Variants in HTR1E observed in about 807,000 individuals in gnomAD.
HTR1E encodes the protein 5-HT-1E.
Under a neutral mutation model 3.4 loss-of-function variants are expected in HTR1E, and 3 were observed. That is an observed-to-expected ratio of 0.89 (90% CI 0.41 to 2.31). The LOEUF (loss-of-function observed/expected upper bound fraction) is 2.31, where lower values mean the gene tolerates loss of function less well. Among genes scored for constraint, HTR1E ranks in the 30% most tolerant of loss-of-function variants. The probability of loss-of-function intolerance (pLI) is 0.05; values close to 1 mark genes in which losing one functional copy is unlikely to be tolerated. For missense variants in HTR1E, 392 were observed against 467.0 expected (o/e 0.84, Z 1.48); for synonymous variants, 170 against 182.8 (o/e 0.93, Z 0.56).
chr6:86,962,457 T>C (rs761372982), intron 1 of HTR1E, among the ~76,000 whole-genome samples: 1 of 152,210 alleles, frequency 6.6e-6, no homozygotes, highest in Non-Finnish European at 1.5e-5. Context: ...TCCTATTACC[T>C]AGTGCCATCC....
At chr6:86,947,728 T>C (rs1450565629) in intron 1 of HTR1E, among the ~76,000 whole-genome samples, 1 of 152,216 alleles carries the variant, frequency 6.6e-6, no homozygotes, top group Non-Finnish European at 1.5e-5. Flanking sequence ...GATATTTCCA[T>C]TTATTGATTC....
At chr6:86,941,864 AGAAAG>A (rs901237397) in intron 1 of HTR1E, among the ~76,000 whole-genome samples, 1 of 151,984 alleles carries the variant, frequency 6.6e-6, no homozygotes, top group African/African-American at 2.4e-5. Context: ...GAAGGAAAGA[AGAAAG>A]GAAGGAAGGA....
chr6:86,958,184 A>G (rs557716996), intron 1 of HTR1E, among the ~76,000 whole-genome samples: 41 of 150,328 alleles, frequency 2.7e-4, no homozygotes, highest in African/African-American at 9.1e-4. Flanking sequence ...TCAGCCTCCC[A>G]AGTAACTGGG....
At chr6:86,962,408 C>T (rs1017094980) in intron 1 of HTR1E, among the ~76,000 whole-genome samples, 2 of 152,176 alleles carry the variant, frequency 1.3e-5, no homozygotes, top group Non-Finnish European at 2.9e-5. Context: ...CAACAGACCA[C>T]ATATACAATG....
intron 1 of HTR1E, among the ~76,000 whole-genome samples, chr6:87,009,406 G>A (rs188707014): frequency 8.6e-5 from 13 of 151,990 alleles, no homozygotes; most frequent in Non-Finnish European, 1.8e-4. Flanking sequence ...AGGATCCCAC[G>A]GCAGAGGAAT....
chr6:86,939,012 C>T (rs1768509713), intron 1 of HTR1E, among the ~76,000 whole-genome samples: 1 of 152,148 alleles, frequency 6.6e-6, no homozygotes, highest in South Asian at 2.1e-4. Flanking sequence ...GGTCTGATTC[C>T]CTGTGCGGTC....
chr6:86,969,794 A>ACCCCAGCCACACTG (rs1348290569), intron 1 of HTR1E, among the ~76,000 whole-genome samples: 5 of 152,032 alleles, frequency 3.3e-5, no homozygotes, highest in Non-Finnish European at 4.4e-5. Flanking sequence ...CACTCTCCAC[A>ACCCCAGCCACACTG]CCCCAGCCAC....
chr6:86,948,227 G>A (rs1767153720), intron 1 of HTR1E, among the ~76,000 whole-genome samples: 1 of 152,030 alleles, frequency 6.6e-6, no homozygotes, highest in African/African-American at 2.4e-5. Flanking sequence ...TCTTTTTTAT[G>A]GCTGCAAACA....
intron 1 of HTR1E, among the ~76,000 whole-genome samples, chr6:86,978,388 C>A (rs1767667595): frequency 6.6e-6 from 1 of 152,156 alleles, no homozygotes; most frequent in African/African-American, 2.4e-5. Context: ...GAAGAACTCT[C>A]TTTTACAATG....
Position 87,016,074 on chromosome 6 carries a change from T to C in HTR1E, c.740T>C (p.Phe247Ser). Reference sequence around the variant, plus strand: ...ACACAGACTTTCTGTGTGTCTGACTTCTCCACCTCAGACCCTACCACAGAG... The same window carrying C: ...ACACAGACTTTCTGTGTGTCTGACTCCTCCACCTCAGACCCTACCACAGAG... ...KLTQTFCVSD[F>S]STSDPTTEFE... Residue 247 changes from phenylalanine (F) to serine (S), a missense_variant, in exon 2 of 2, where the codon TTC becomes TCC. Around this residue, in one of 3 missense-constraint regions of HTR1E, gnomAD observed 178 missense variants for 164.9 expected, o/e 1.08. Coordinates refer to ENST00000305344, the MANE Select transcript of HTR1E (RefSeq NM_000865.3). 2 of 1,614,126 alleles carry C rather than the reference T, an allele frequency of 1.2e-6. No individual in the cohort carries two copies. The highest frequency in any genetic ancestry group is 1.7e-6 in the Non-Finnish European group (2 of 1,180,012).
At chr6:86,945,407 A>C (rs1034384052) in intron 1 of HTR1E, among the ~76,000 whole-genome samples, 1 of 151,968 alleles carries the variant, frequency 6.6e-6, no homozygotes, top group Non-Finnish European at 1.5e-5. Flanking sequence ...ATGCCCAGCT[A>C]ATTTTTTGAA....
chr6:86,997,432 A>C (rs113308955), intron 1 of HTR1E, among the ~76,000 whole-genome samples: 2,727 of 152,006 alleles, frequency 0.018, 85 homozygotes, highest in African/African-American at 0.06. Flanking sequence ...ATAATCATTT[A>C]TGAAGAAAAT....
chr6:86,976,208 C>T (rs1408563079), intron 1 of HTR1E, among the ~76,000 whole-genome samples: 1 of 151,776 alleles, frequency 6.6e-6, no homozygotes, highest in Non-Finnish European at 1.5e-5. Context: ...AGGAAAGTAG[C>T]AAGAAGGGAA....
intron 1 of HTR1E, among the ~76,000 whole-genome samples, chr6:86,951,347 T>C (rs1160293994): frequency 6.6e-6 from 1 of 152,194 alleles, no homozygotes; most frequent in Non-Finnish European, 1.5e-5. Context: ...GAAATATTTG[T>C]TTTCTTTTCA....
rs201806555 is a variant in HTR1E, at chr6:86,980,521, T to C, written c.-185-34629T>C. Reference sequence around the variant, plus strand: ...TACAGGAGGGACTCTCAATAAGAAATAGAGATATTTAGTTCCACAGTAGCT... The same window carrying C: ...TACAGGAGGGACTCTCAATAAGAAACAGAGATATTTAGTTCCACAGTAGCT... On this transcript the variant is annotated intron_variant, in intron 1 of 1. Transcript: ENST00000305344. Among the ~76,000 whole-genome samples the C allele has an allele frequency of 3.3e-5, 5 of 151,564 alleles. No homozygotes were observed. The East Asian group carries it at 9.7e-4, about 29-fold the overall frequency.
At chr6:86,966,101 G>A (rs911899630) in intron 1 of HTR1E, among the ~76,000 whole-genome samples, 8 of 152,014 alleles carry the variant, frequency 5.3e-5, no homozygotes, top group African/African-American at 1.9e-4. Flanking sequence ...TTTCTTGGAG[G>A]GTGGTATAAA....
chr6:86,953,411 A>G (rs183154973), intron 1 of HTR1E, among the ~76,000 whole-genome samples: 107 of 152,250 alleles, frequency 7.0e-4, no homozygotes, highest in Middle Eastern at 3.4e-3. Flanking sequence ...CTGCCTCTGC[A>G]TGAGCTGGCA....
chr6:86,968,096 C>T (rs2127822014), intron 1 of HTR1E, among the ~76,000 whole-genome samples: 1 of 152,284 alleles, frequency 6.6e-6, no homozygotes, highest in East Asian at 1.9e-4. Context: ...CTGTTCTGCA[C>T]CCTATTTTCT....
intron 1 of HTR1E, among the ~76,000 whole-genome samples, chr6:86,968,389 A>G (rs972573652): frequency 1.2e-4 from 19 of 152,214 alleles, no homozygotes; most frequent in Non-Finnish European, 2.6e-4. Context: ...AGTTGCTGCT[A>G]AATTCCCTCT....
Sources: allele counts gnomAD v4.1 joint callset (sites outside exome capture counted in the v4.1 genomes callset), GRCh38; gene constraint gnomAD v4.1.1; regional missense constraint gnomAD v4.1.1; transcripts MANE v1.5; gene names NCBI Gene and HGNC (gene_info 2026-07-23, HGNC 2026-07-21).